Variants in ANAPC10 observed in about 807,000 individuals in gnomAD.
ANAPC10 encodes the protein anaphase promoting complex subunit 10.
ANAPC10 carries 12 observed loss-of-function variants against 22.0 expected under a neutral mutation model. That is an observed-to-expected ratio of 0.55 (90% CI 0.35 to 0.88). The LOEUF (loss-of-function observed/expected upper bound fraction) is 0.88, where lower values mean the gene tolerates loss of function less well. Ranked by LOEUF, ANAPC10 falls within the 40% of genes least tolerant of loss-of-function variation. The pLI, the probability that ANAPC10 is intolerant of heterozygous loss-of-function variation, is 0.01. For synonymous variants in ANAPC10, 65 were observed against 69.5 expected, an observed-to-expected ratio of 0.94 and a Z score of 0.32; for missense variants, 188 against 220.9, an observed-to-expected ratio of 0.85 and a Z score of 0.94.
intron 4 of ANAPC10, among the ~76,000 whole-genome samples, chr4:145,032,775 A>G (rs1737821466): frequency 1.3e-5 from 2 of 152,214 alleles, no homozygotes; most frequent in Non-Finnish European, 2.9e-5. Flanking sequence ...ACCATTCCTC[A>G]GAGTGATCAG....
intron 2 of ANAPC10, among the ~76,000 whole-genome samples, chr4:145,091,196 C>T (rs927475868): frequency 6.6e-6 from 1 of 152,222 alleles, no homozygotes; most frequent in Non-Finnish European, 1.5e-5. Context: ...ATCTCTTCTG[C>T]ACCTCCAAGA....
intron 4 of ANAPC10, among the ~76,000 whole-genome samples, chr4:145,059,937 G>C (rs769805019): frequency 2.6e-5 from 4 of 152,070 alleles, no homozygotes; most frequent in Middle Eastern, 3.4e-3. Context: ...TAAAACGCAA[G>C]GGATTTAAGA....
chr4:145,000,082 C>T (rs973339439), intron 4 of ANAPC10, among the ~76,000 whole-genome samples: 1 of 152,250 alleles, frequency 6.6e-6, no homozygotes, highest in East Asian at 1.9e-4. Flanking sequence ...AAATGTTAGA[C>T]CTAAAACCAT....
chr4:145,078,181 A>G (rs900420357), intron 3 of ANAPC10, among the ~76,000 whole-genome samples: 2 of 152,208 alleles, frequency 1.3e-5, no homozygotes, highest in African/African-American at 4.8e-5. Flanking sequence ...AAGTTTCAGG[A>G]TACAAAATCA....
intron 4 of ANAPC10, among the ~76,000 whole-genome samples, chr4:145,024,586 TA>T (rs1736397070): frequency 6.6e-6 from 1 of 152,220 alleles, no homozygotes; most frequent in African/African-American, 2.4e-5. Flanking sequence ...TATTTTGAAA[TA>T]AATCTTTTCC....
chr4:145,006,279 T>G (rs1733337132), intron 4 of ANAPC10, among the ~76,000 whole-genome samples: 1 of 152,130 alleles, frequency 6.6e-6, no homozygotes. Flanking sequence ...CCCAGACTTT[T>G]TATCTGAAAA....
rs572368075 is a variant in ANAPC10, at chr4:145,012,894, G to A, written c.328-17291C>T. ...GATGGAGGGGGGCCTGGTGGGAAAT[G>A]ACTGGATCATGGTGATGGATTTCCC... On this transcript the variant is annotated intron_variant, in intron 4 of 4. Coordinates refer to ENST00000507656, the MANE Select transcript of ANAPC10 (RefSeq NM_001256706.2). 1.4e-4 allele frequency among the ~76,000 whole-genome samples: 22 copies of A among 152,288 alleles called. No homozygotes were observed. The South Asian group carries it at 4.4e-3, about 30-fold the overall frequency.
intron 4 of ANAPC10, among the ~76,000 whole-genome samples, chr4:145,026,957 G>GTGTATATATATATATATA (rs1343774253): frequency 1.1e-4 from 2 of 18,350 alleles, no homozygotes; most frequent in African/African-American, 5.8e-4. Context: ...GTGTGTGTGT[G>GTGTATATATATATATATA]TATATATATA....
chr4:144,996,725 C>T (rs562203892), intron 4 of ANAPC10, among the ~76,000 whole-genome samples: 26 of 152,212 alleles, frequency 1.7e-4, no homozygotes, highest in African/African-American at 2.6e-4. Context: ...CAAAGCTGGA[C>T]GGAGAATGAC....
intron 2 of ANAPC10, among the ~76,000 whole-genome samples, chr4:145,091,520 A>G (rs1201304676): frequency 5.9e-5 from 9 of 152,162 alleles, no homozygotes; most frequent in African/African-American, 2.2e-4. Flanking sequence ...AAAAGCTTTT[A>G]AAAAACGGGG....
Position 145,036,060 on chromosome 4 carries a change from AG to A in ANAPC10, c.327+28511del, listed in dbSNP as rs974441953. On this transcript the variant is annotated intron_variant, in intron 4 of 4. Transcript: ENST00000507656. ...CCAACATTTTAAAAATTAAGAAACA[AG>A]GTAAAGTATTAATTCCAGGAAAACA... 4.6e-5 allele frequency among the ~76,000 whole-genome samples: 7 copies of A among 152,330 alleles called. No homozygotes were observed. The East Asian group carries it at 1.4e-3, about 29-fold the overall frequency.
At chr4:145,088,828 A>G (rs936648628) in intron 2 of ANAPC10, among the ~76,000 whole-genome samples, 2 of 152,144 alleles carry the variant, frequency 1.3e-5, no homozygotes, top group Non-Finnish European at 2.9e-5. Context: ...TTCAGGGCCT[A>G]CAAGAGTTCA....
chr4:145,020,306 C>T (rs919035266), intron 4 of ANAPC10, among the ~76,000 whole-genome samples: 3 of 152,092 alleles, frequency 2.0e-5, no homozygotes, highest in Admixed American at 6.6e-5. Flanking sequence ...ATGTGATACA[C>T]CACATAAACA....
chr4:145,016,126 C>G (rs996322135), intron 4 of ANAPC10, among the ~76,000 whole-genome samples: 1 of 152,108 alleles, frequency 6.6e-6, no homozygotes, highest in Non-Finnish European at 1.5e-5. Context: ...CCAGGGCAAT[C>G]AGGCAGGAGA....
intron 4 of ANAPC10, among the ~76,000 whole-genome samples, chr4:145,005,195 C>T (rs1436025899): frequency 2.0e-5 from 3 of 152,042 alleles, no homozygotes; most frequent in Non-Finnish European, 2.9e-5. Context: ...GGATTACAGG[C>T]GTGAACCACC....
chr4:144,997,650 T>G (rs1267068623), intron 4 of ANAPC10, among the ~76,000 whole-genome samples: 4 of 152,134 alleles, frequency 2.6e-5, no homozygotes, highest in East Asian at 1.9e-4. Context: ...AGACCATCAA[T>G]GCTAGGAAGA....
intron 4 of ANAPC10, among the ~76,000 whole-genome samples, chr4:144,999,016 A>G (rs951800422): frequency 2.6e-5 from 4 of 152,322 alleles, no homozygotes; most frequent in African/African-American, 9.6e-5. Flanking sequence ...GAAAATCTAC[A>G]AGAAATGGAT....
At chr4:145,054,023 C>T (rs1171573377) in intron 4 of ANAPC10, among the ~76,000 whole-genome samples, 1 of 151,736 alleles carries the variant, frequency 6.6e-6, no homozygotes, top group Non-Finnish European at 1.5e-5. Context: ...ATTCTCCTGC[C>T]TCAGCCTCCT....
chr4:145,037,895 C>T (rs1222949560), intron 4 of ANAPC10, among the ~76,000 whole-genome samples: 2 of 144,008 alleles, frequency 1.4e-5, no homozygotes, highest in Non-Finnish European at 3.0e-5. Flanking sequence ...CCCAGTGAAC[C>T]ATGATTGCGC....
Sources: gnomAD v4.1 joint callset for allele counts (sites outside exome capture counted in the v4.1 genomes callset) on GRCh38, gnomAD v4.1.1 for gene constraint, MANE v1.5 for transcripts, NCBI Gene and HGNC (gene_info 2026-07-23, HGNC 2026-07-21) for gene names.